Variants in MEGF6 observed in about 807,000 individuals in gnomAD.
The protein encoded by MEGF6 is multiple EGF like domains 6, also known as multiple epidermal growth factor-like domains protein 6.
Under a neutral mutation model 207.1 loss-of-function variants are expected in MEGF6, and 184 were observed. That is an observed-to-expected ratio of 0.89 (90% CI 0.79 to 1.00). MEGF6 has a LOEUF of 1.00. Ranked by LOEUF, MEGF6 falls within the 50% of genes least tolerant of loss-of-function variation. MEGF6 has a pLI of 0.00. For missense variants in MEGF6, 2,282 were observed against 2,202.9 expected (o/e 1.04, Z -0.72); for synonymous variants, 1,038 against 910.0 (o/e 1.14, Z -2.53).
At chr1:3,504,815 G>C (rs1236229400) in intron 17 of MEGF6, among the ~76,000 whole-genome samples, 1 of 152,162 alleles carries the variant, frequency 6.6e-6, no homozygotes, top group African/African-American at 2.4e-5. Context: ...GCCACCTCCA[G>C]GGGCAGCCTC....
rs1643354324 is a variant in MEGF6, at chr1:3,566,763, T to C, written c.481+13062A>G. Among the ~76,000 whole-genome samples, 12 of 152,160 alleles carry C rather than the reference T, an allele frequency of 7.9e-5. 1 individual carries two copies. Among genetic ancestry groups the C allele is most frequent in the Admixed American group, 7.9e-4 (12 of 15,282 alleles). On this transcript the variant is annotated intron_variant, in intron 4 of 36. Coordinates refer to ENST00000356575, the MANE Select transcript of MEGF6 (RefSeq NM_001409.4). ...CATGAGGGCACGCCCTAGAGGGGCT[T>C]TGCAGGGATCCCAGCAGACACCTGG...
rs61759247 is a variant in MEGF6 at position 3,506,118 on chromosome 1, G to A, written c.1908C>T (p.Phe636=). Reference sequence around the variant, plus strand: ...GGCAGTGAGACTCACTGAGGTGGCAGAAGCGGCCGTAGAGCCCTGGGTCGC... The same window carrying A: ...GGCAGTGAGACTCACTGAGGTGGCAAAAGCGGCCGTAGAGCCCTGGGTCGC... The part of the protein sequence containing the change: ...CLCDPGLYGR[F]CHLTCPPWAF... Residue 636 remains phenylalanine, a synonymous_variant, in exon 15 of 37, where the codon TTC becomes TTT. Coordinates refer to ENST00000356575, the MANE Select transcript of MEGF6 (RefSeq NM_001409.4). The A allele has an allele frequency of 6.3e-7, 1 of 1,593,240 alleles. No homozygotes were observed. The highest frequency in any genetic ancestry group is 1.8e-5 in the Admixed American group (1 of 57,070).
rs761301477 is a variant in MEGF6 at position 3,494,370 on chromosome 1, C to T, written c.4129+1G>A. ...CCCAGCTGCACAGGCCCCCAACTCA[C>T]GGTGCTCGCAGGCCTGGCCATAGAA... On this transcript the variant is annotated splice_donor_variant, in intron 32 of 36. Transcript: ENST00000356575. LOFTEE classifies it high-confidence loss of function. The T allele has an allele frequency of 7.1e-6, 11 of 1,540,444 alleles. No individual in the cohort carries two copies. Among genetic ancestry groups the T allele is most frequent in the Admixed American group, 2.0e-5 (1 of 51,042 alleles).
intron 10 of MEGF6, among the ~76,000 whole-genome samples, chr1:3,510,512 C>T (rs1246252271): frequency 2.7e-5 from 4 of 147,680 alleles, no homozygotes; most frequent in Non-Finnish European, 1.5e-5. Context: ...CAGCCCTGCA[C>T]GCAGCAGGTG....
chr1:3,520,066 GAGA>G lies in MEGF6; in HGVS notation c.604+4055_604+4057del, dbSNP rs142380714. Reference sequence around the variant, plus strand: ...CCTGATGGGCATGGGCCGAGAAGGGGAGAAGGACAGCGGGCCCACCTCTTCCCT... The same window carrying G: ...CCTGATGGGCATGGGCCGAGAAGGGGAGGACAGCGGGCCCACCTCTTCCCT... On this transcript the variant is annotated intron_variant, in intron 5 of 36. Transcript: ENST00000356575. Among the ~76,000 whole-genome samples the G allele has an allele frequency of 1.4e-3, 206 of 152,392 alleles. 1 individual carries two copies. The highest frequency in any genetic ancestry group is 2.5e-3 in the Admixed American group (38 of 15,310).
chr1:3,522,730 A>G (rs895602957), intron 5 of MEGF6, among the ~76,000 whole-genome samples: 2 of 152,086 alleles, frequency 1.3e-5, no homozygotes, highest in African/African-American at 4.8e-5. Context: ...CACTCACAGT[A>G]GGAGGCCAGG....
chr1:3,523,241 G>A (rs1641830804), intron 5 of MEGF6, among the ~76,000 whole-genome samples: 1 of 152,202 alleles, frequency 6.6e-6, no homozygotes, highest in East Asian at 1.9e-4. Flanking sequence ...CTCCCAGACA[G>A]AGACCAGCAA....
intron 1 of MEGF6, among the ~76,000 whole-genome samples, chr1:3,610,924 G>T (rs1313673618): frequency 2.0e-5 from 3 of 152,224 alleles, no homozygotes; most frequent in Non-Finnish European, 4.4e-5. Flanking sequence ...GAGTGGGAGG[G>T]GGGGAGGGGA....
chr1:3,547,745 GC>G (rs1642761481), intron 4 of MEGF6, among the ~76,000 whole-genome samples: 1 of 152,202 alleles, frequency 6.6e-6, no homozygotes, highest in African/African-American at 2.4e-5. Flanking sequence ...CCATGCCCTA[GC>G]CCGCCCTCCG....
intron 4 of MEGF6, among the ~76,000 whole-genome samples, chr1:3,567,534 C>T (rs1050622840): frequency 1.3e-5 from 2 of 152,208 alleles, no homozygotes; most frequent in South Asian, 4.1e-4. Context: ...ACATGCCCCC[C>T]CCAGGCTCTC....
At chr1:3,615,021 C>A (rs76595687), upstream of MEGF6, among the ~76,000 whole-genome samples, 113 of 152,340 alleles carry the variant, frequency 7.4e-4, 4 homozygotes, top group East Asian at 0.019. Flanking sequence ...TTATCAGGAG[C>A]TTGTCTAAAC....
intron 1 of MEGF6, among the ~76,000 whole-genome samples, chr1:3,604,632 C>T (rs534584242): frequency 1.3e-5 from 2 of 152,272 alleles, no homozygotes; most frequent in African/African-American, 4.8e-5. Context: ...CTCCTCCGTG[C>T]CCAGCACCAG....
the MEGF6 span, among the ~76,000 whole-genome samples, chr1:3,620,164 G>A: frequency 6.6e-6 from 1 of 152,226 alleles, no homozygotes; most frequent in Non-Finnish European, 1.5e-5. Context: ...ATGTGAGCTG[G>A]CTTTTTCTGA....
At chr1:3,597,063 C>T (rs1033048971) in intron 2 of MEGF6, among the ~76,000 whole-genome samples, 2 of 152,228 alleles carry the variant, frequency 1.3e-5, no homozygotes, top group Non-Finnish European at 2.9e-5. Flanking sequence ...CCGCGGACCC[C>T]GCAGCCCCTG....
chr1:3,507,761 T>C, intron 14 of MEGF6, 34 bp downstream of exon 14: 1 of 1,612,080 alleles, frequency 6.2e-7, no homozygotes, highest in South Asian at 1.1e-5. Flanking sequence ...AGCCCAGGGG[T>C]AATTCCAGAA....
Position 3,512,010 on chromosome 1 carries a change from G to A in MEGF6, c.972C>T (p.Cys324=), listed in dbSNP as rs964473331. ...TGTTGCCGGCTGCCCACTCACGGTA[G>A]CACTGCCGGCCATCGGCGCCCAGCT... is the stretch of plus-strand genomic sequence containing the variant. The part of the protein sequence containing the change: ...GYELGADGRQ[C]YRIEMEIVNS... Residue 324 remains cysteine (C), a synonymous_variant, in exon 8 of 37, where the codon TGC becomes TGT. Coordinates refer to ENST00000356575, the MANE Select transcript of MEGF6 (RefSeq NM_001409.4). 2 of 1,612,264 alleles carry A rather than the reference G, an allele frequency of 1.2e-6. No homozygotes were observed. Among genetic ancestry groups the A allele is most frequent in the Non-Finnish European group, 1.7e-6 (2 of 1,179,934 alleles).
In MEGF6 at chr1:3,494,041, G is replaced by A. The variant is rs553504394; in HGVS notation, c.4213C>T (p.Arg1405Ter). The change falls in exon 33 of 37, where the codon CGA (arginine) becomes TGA (stop). Residue 1405 changes from arginine to a stop codon, truncating the protein, a stop_gained. Transcript: ENST00000356575. LOFTEE classifies it high-confidence loss of function. ...HGAPCDPISG[R>*]CLCPAGFHGH... ...TGGAAGCCGGCAGGGCAGAGGCATC[G>A]GCCACTGATGGGGTCGCAGGGGGCT... 4.0e-5 allele frequency: 64 copies of A among 1,609,464 alleles called. 1 individual carries two copies. The South Asian group carries it at 6.4e-4, about 16-fold the overall frequency.
chr1:3,611,057 G>A (rs1425122705), intron 1 of MEGF6, 81 bp downstream of exon 1: 1 of 1,366,406 alleles, frequency 7.3e-7, no homozygotes, highest in Non-Finnish European at 9.4e-7. Context: ...ACAAAGCCTC[G>A]GAGCTCGGTC....
At chr1:3,523,499 G>C (rs1641842006) in intron 5 of MEGF6, among the ~76,000 whole-genome samples, 1 of 152,076 alleles carries the variant, frequency 6.6e-6, no homozygotes, top group South Asian at 2.1e-4. Flanking sequence ...ATAGCCAAGA[G>C]ACCCCGCAGA....
Sources: allele counts gnomAD v4.1 joint callset (sites outside exome capture counted in the v4.1 genomes callset), GRCh38; gene constraint gnomAD v4.1.1; transcripts MANE v1.5; gene names NCBI Gene and HGNC (gene_info 2026-07-23, HGNC 2026-07-21).